RNPEP: variants seen among roughly 807,000 people sequenced by gnomAD.
RNPEP encodes the protein arginyl aminopeptidase, also known as aminopeptidase B.
Under a neutral mutation model 70.1 loss-of-function variants are expected in RNPEP, and 57 were observed. That is an observed-to-expected ratio of 0.81 (90% CI 0.66 to 1.01). The LOEUF (loss-of-function observed/expected upper bound fraction) is 1.01. Among genes scored for constraint, RNPEP ranks in the 50% least tolerant of loss-of-function variants. The pLI is 0.00. For missense variants in RNPEP, 787 were observed against 852.4 expected (o/e 0.92, Z 0.96); for synonymous variants, 335 against 357.4 (o/e 0.94, Z 0.71).
At chr1:201,984,542 A>G (rs1683054753) in intron 1 of RNPEP, among the ~76,000 whole-genome samples, 1 of 152,142 alleles carries the variant, frequency 6.6e-6, no homozygotes, top group Non-Finnish European at 1.5e-5. Context: ...TTGGGGGCCC[A>G]AGAGATTTTC....
At chr1:202,003,897 C>T (rs1683940851) in intron 9 of RNPEP, among the ~76,000 whole-genome samples, 1 of 152,128 alleles carries the variant, frequency 6.6e-6, no homozygotes, top group Admixed American at 6.5e-5. Flanking sequence ...CCCAGTCATC[C>T]AGAGCTCTCA....
chr1:201,999,795 T>G, intron 5 of RNPEP, 107 bp from the exon 6 acceptor site: 1 of 806,362 alleles, frequency 1.2e-6, no homozygotes, highest in Non-Finnish European at 2.0e-6. Context: ...TATCTGTCGC[T>G]GTTCTTCTTG....
intron 3 of RNPEP, among the ~76,000 whole-genome samples, chr1:201,992,066 C>T (rs1254603222): frequency 6.8e-6 from 1 of 146,690 alleles, no homozygotes; most frequent in Non-Finnish European, 1.5e-5. Context: ...TTGCCTCGCT[C>T]TCTTGCCCAG....
In RNPEP at chr1:202,003,336, C is replaced by T. The variant is rs1162761309; in HGVS notation, c.1526C>T (p.Ala509Val). The T allele has an allele frequency of 6.2e-7, 1 of 1,614,174 alleles. No homozygotes were observed. Among genetic ancestry groups the T allele is most frequent in the Admixed American group, 1.7e-5 (1 of 60,024 alleles). Residue 509 changes from alanine to valine, a missense_variant, in exon 9 of 11, where the codon GCC becomes GTC. Physicochemically the swap from Ala to Val is moderately conservative, Grantham distance 64. Transcript: ENST00000295640. ...CTCATGAAGCCTGCTGAAGAGCTAG[C>T]CCAACTGTGGGCAGCCGAGGAGCTG... Reference protein sequence around the residue: ...DSLMKPAEELAQLWAAEELDM... With the variant: ...DSLMKPAEELVQLWAAEELDM...
At position 201,982,830 on chromosome 1, in the gene RNPEP, G is replaced by T. The variant is rs1362656745; in HGVS notation, c.164G>T (p.Gly55Val). Residue 55 changes from glycine to valine, a missense_variant, in exon 1 of 11, where the codon GGG (glycine) becomes GTG (valine). Physicochemically the swap from Gly to Val is moderately radical, Grantham distance 109. Coordinates refer to ENST00000295640, the MANE Select transcript of RNPEP (RefSeq NM_020216.4). ...AEFGPPGPGA[G>V]SRGLSGTAVL... ...TTCGGGCCTCCAGGGCCCGGCGCAG[G>T]GAGCCGGGGGCTGAGCGGCACCGCG... 9.0e-6 allele frequency: 12 copies of T among 1,333,756 alleles called. No individual in the cohort carries two copies. The highest frequency in any genetic ancestry group is 1.2e-5 in the Non-Finnish European group (12 of 1,042,554). 82.6% of individuals were successfully genotyped at this position (1,333,756 alleles called of 1,614,324 possible).
intron 1 of RNPEP, among the ~76,000 whole-genome samples, chr1:201,988,072 G>A (rs1225123871): frequency 6.6e-6 from 1 of 151,066 alleles, no homozygotes; most frequent in South Asian, 2.1e-4. Context: ...CCCAGGAGGC[G>A]GAGACTGCAG....
intron 6 of RNPEP, 57 bp downstream of exon 6, chr1:202,000,072 A>C: frequency 7.9e-7 from 1 of 1,267,226 alleles, no homozygotes; most frequent in Non-Finnish European, 1.1e-6. Flanking sequence ...TGGAGCCCCA[A>C]GTTAATGCGA....
At chr1:201,988,537 G>A (rs932036645) in intron 1 of RNPEP, among the ~76,000 whole-genome samples, 1 of 150,550 alleles carries the variant, frequency 6.6e-6, no homozygotes, top group African/African-American at 2.4e-5. Context: ...CTTATCACAA[G>A]TCCAAATGCA....
intron 1 of RNPEP, chr1:201,983,320 A>C: frequency 8.2e-7 from 1 of 1,226,658 alleles, no homozygotes; most frequent in Non-Finnish European, 1.1e-6. Context: ...TTCCTTCTGG[A>C]CTTCCTCCAG....
Position 201,989,378 on chromosome 1 carries a change from G to T in RNPEP, c.589-5G>T, listed in dbSNP as rs757117699. On this transcript the variant is annotated splice_polypyrimidine_tract_variant and splice_region_variant and intron_variant, in intron 2 of 10. Coordinates refer to ENST00000295640, the MANE Select transcript of RNPEP (RefSeq NM_020216.4). Reference sequence around the variant, plus strand: ...TAAAATCTCCTAAGCTTTCTCTGTTGTCAGGTCCCAGATGGCTTCACAGCT... The same window carrying T: ...TAAAATCTCCTAAGCTTTCTCTGTTTTCAGGTCCCAGATGGCTTCACAGCT... 1 of 1,613,442 alleles carries T rather than the reference G, an allele frequency of 6.2e-7. No homozygotes were observed. The highest frequency in any genetic ancestry group is 1.7e-5 in the Admixed American group (1 of 59,772).
chr1:201,984,224 C>T (rs979633443), intron 1 of RNPEP, among the ~76,000 whole-genome samples: 2 of 152,206 alleles, frequency 1.3e-5, no homozygotes, highest in African/African-American at 4.8e-5. Context: ...TGAGCCACTG[C>T]GCCCGGCCCA....
At chr1:201,983,393 C>G in intron 1 of RNPEP, 1 of 1,502,084 alleles carries the variant, frequency 6.7e-7, no homozygotes, top group South Asian at 1.2e-5. Context: ...GCCCTGGAGG[C>G]TTGTCCAGAT....
chr1:202,002,322 C>T (rs1683858519), intron 8 of RNPEP, among the ~76,000 whole-genome samples: 1 of 152,188 alleles, frequency 6.6e-6, no homozygotes, highest in South Asian at 2.1e-4. Context: ...CGCCACCACG[C>T]CCGGCTATTT....
intron 1 of RNPEP, among the ~76,000 whole-genome samples, chr1:201,984,526 G>C (rs950629763): frequency 3.9e-5 from 6 of 152,146 alleles, no homozygotes; most frequent in Non-Finnish European, 7.3e-5. Flanking sequence ...GTTTTCTTTA[G>C]TGATTTTGGG....
rs1558257963 is a variant in RNPEP at position 201,984,821 on chromosome 1, C to CTTTTTTCTTTTTCTTTTTTTTTTTTTTTT, written c.447+1714_447+1715insCTTTTTCTTTTTTTTTTTTTTTTTTTTTT. Reference sequence around the variant, plus strand: ...TTACTGCTAACTTTTGTATTTCTTTCTTTTTTTTTTTTTTTTTTTTTTTTT... The same window carrying CTTTTTTCTTTTTCTTTTTTTTTTTTTTTT: ...TTACTGCTAACTTTTGTATTTCTTTCTTTTTTCTTTTTCTTTTTTTTTTTTTTTTTTTTTTTTTTTTTTTTTTTTTTTTT... On this transcript the variant is annotated intron_variant, in intron 1 of 10. Coordinates refer to ENST00000295640, the MANE Select transcript of RNPEP (RefSeq NM_020216.4). Among the ~76,000 whole-genome samples the CTTTTTTCTTTTTCTTTTTTTTTTTTTTTT allele has an allele frequency of 1.5e-4, 18 of 122,046 alleles. 2 individuals are homozygous for CTTTTTTCTTTTTCTTTTTTTTTTTTTTTT. The highest frequency in any genetic ancestry group is 3.2e-4 in the African/African-American group (10 of 30,984). The allele number at this position is 122,046 out of a possible 152,430, so 80.1% of individuals were successfully genotyped here.
chr1:201,996,239 T>C lies in RNPEP; in HGVS notation c.830T>C (p.Leu277Pro), dbSNP rs148809029. 6.6e-5 allele frequency: 106 copies of C among 1,612,712 alleles called. No homozygotes were observed. The African/African-American group carries it at 1.3e-3, about 19-fold the overall frequency. The change falls in exon 4 of 11, where the codon CTT becomes CCT. Residue 277 changes from leucine to proline, a missense_variant. Leu to Pro is a moderately conservative substitution (Grantham distance 98, BLOSUM62 -3). Transcript: ENST00000295640. ...IEEFLATGEK[L>P]FGPYVWGRYD... ...GAATTTTTGGCAACAGGAGAGAAGC[T>C]TTTTGGACCTTATGTTTGGGGAAGG...
At chr1:201,985,191 T>TA (rs57050499) in intron 1 of RNPEP, among the ~76,000 whole-genome samples, 3,265 of 142,082 alleles carry the variant, frequency 0.023, 111 homozygotes, top group African/African-American at 0.074. Context: ...AGGCTCCATC[T>TA]AAAAAAAAAA....
chr1:201,987,869 A>G (rs1683187110), intron 1 of RNPEP, among the ~76,000 whole-genome samples: 2 of 151,684 alleles, frequency 1.3e-5, no homozygotes, highest in Non-Finnish European at 2.9e-5. Context: ...GGCCAGGTGC[A>G]GTGGCTCATG....
At chr1:201,991,052 C>T (rs1683313625) in intron 3 of RNPEP, among the ~76,000 whole-genome samples, 1 of 152,112 alleles carries the variant, frequency 6.6e-6, no homozygotes, top group African/African-American at 2.4e-5. Flanking sequence ...ATGCCTTATT[C>T]CTTCCGTGAT....
Sources: gnomAD v4.1 joint callset for allele counts (sites outside exome capture counted in the v4.1 genomes callset) on GRCh38, gnomAD v4.1.1 for gene constraint, MANE v1.5 for transcripts, NCBI Gene and HGNC (gene_info 2026-07-23, HGNC 2026-07-21) for gene names.